The following SYT14 variants were observed in gnomAD, a reference collection of about 807,000 sequenced individuals.
SYT14 encodes the protein synaptotagmin-14.
In SYT14, 32 loss-of-function variants were observed where a neutral mutation model predicts 74.2. The ratio of observed to expected loss-of-function variants is 0.43; its 90% CI spans 0.33 to 0.58. SYT14 has a LOEUF of 0.58. Ranked by LOEUF, SYT14 falls within the 20% of genes least tolerant of loss-of-function variation. SYT14 has a pLI of 0.05. For missense variants in SYT14, 791 were observed against 981.8 expected (o/e 0.81, Z 2.60); for synonymous variants, 298 against 337.7 (o/e 0.88, Z 1.29).
intron 5 of SYT14, among the ~76,000 whole-genome samples, chr1:210,074,987 A>G (rs1249976048): frequency 6.6e-6 from 1 of 152,208 alleles, no homozygotes; most frequent in Non-Finnish European, 1.5e-5. Flanking sequence ...TACTGGAAGA[A>G]TCAGATTACA....
intron 2 of SYT14, among the ~76,000 whole-genome samples, chr1:209,996,362 A>T (rs775956932): frequency 6.6e-6 from 1 of 152,196 alleles, no homozygotes; most frequent in Non-Finnish European, 1.5e-5. Flanking sequence ...GAGGAAGTGT[A>T]TAAAATCCTG....
chr1:210,008,308 T>G (rs755967014), intron 2 of SYT14, among the ~76,000 whole-genome samples: 6 of 152,210 alleles, frequency 3.9e-5, no homozygotes, highest in Non-Finnish European at 5.9e-5. Context: ...ATTCAACAAA[T>G]TTAATTCTTC....
At chr1:210,125,181 C>T (rs1572344747) in intron 7 of SYT14, among the ~76,000 whole-genome samples, 1 of 152,044 alleles carries the variant, frequency 6.6e-6, no homozygotes, top group East Asian at 1.9e-4. Context: ...GAGCATAGTA[C>T]CCAATGAGTA....
intron 2 of SYT14, chr1:209,965,889 T>G (rs1165618864): frequency 2.2e-6 from 1 of 453,638 alleles, no homozygotes; most frequent in East Asian, 7.0e-5. Context: ...TTTTTTTTTT[T>G]TAGATAGGGT....
intron 5 of SYT14, among the ~76,000 whole-genome samples, chr1:210,071,626 G>A (rs572297824): frequency 3.6e-4 from 55 of 152,054 alleles, no homozygotes; most frequent in Admixed American, 8.5e-4. Context: ...TTTTGTAGGA[G>A]CTGAGTTTGA....
At chr1:209,973,907 C>T (rs565426067) in intron 2 of SYT14, among the ~76,000 whole-genome samples, 1 of 152,294 alleles carries the variant, frequency 6.6e-6, no homozygotes, top group Admixed American at 6.5e-5. Flanking sequence ...GCCATTCTAA[C>T]TGGTGTGAGA....
intron 5 of SYT14, among the ~76,000 whole-genome samples, chr1:210,032,896 T>A (rs1399384667): frequency 6.9e-6 from 1 of 144,098 alleles, no homozygotes; most frequent in Non-Finnish European, 1.5e-5. Flanking sequence ...GTATTCTCAA[T>A]TTGTTCATAG....
intron 2 of SYT14, among the ~76,000 whole-genome samples, chr1:209,978,898 G>A (rs1242180562): frequency 6.6e-6 from 1 of 152,178 alleles, no homozygotes; most frequent in African/African-American, 2.4e-5. Context: ...TCAAGCCTGG[G>A]CAGTGGCGGG....
chr1:210,148,718 A>G (rs537434365), intron 7 of SYT14, among the ~76,000 whole-genome samples: 264 of 152,336 alleles, frequency 1.7e-3, no homozygotes, highest in Non-Finnish European at 2.9e-3. Flanking sequence ...CCTTAAAAGA[A>G]AGAAAGAGGA....
intron 8 of SYT14, among the ~76,000 whole-genome samples, chr1:210,158,316 C>G (rs1177723724): frequency 2.0e-5 from 3 of 152,104 alleles, no homozygotes; most frequent in Non-Finnish European, 4.4e-5. Flanking sequence ...CTGTGACAAA[C>G]ATAAGAGTGC....
chr1:209,946,948 ATGTGCTCTGTG>A (rs2078832661), intron 1 of SYT14, among the ~76,000 whole-genome samples: 1 of 152,212 alleles, frequency 6.6e-6, no homozygotes, highest in Admixed American at 6.5e-5. Context: ...AGGATGCTAA[ATGTGCTCTGTG>A]TGTGCTCTAC....
intron 4 of SYT14, 76 bp from the exon 4 acceptor site, chr1:210,020,963 C>CG (rs1459724303): frequency 2.5e-6 from 3 of 1,205,264 alleles, no homozygotes; most frequent in Non-Finnish European, 3.7e-6. Flanking sequence ...TATCATTTGA[C>CG]GGGCCCAGTA....
chr1:210,065,230 T>G (rs1385487681), intron 5 of SYT14, among the ~76,000 whole-genome samples: 1 of 152,096 alleles, frequency 6.6e-6, no homozygotes, highest in Non-Finnish European at 1.5e-5. Context: ...CACCCAAATC[T>G]CATCTTGAAT....
intron 5 of SYT14, among the ~76,000 whole-genome samples, chr1:210,091,144 G>A (rs1410020857): frequency 6.6e-6 from 1 of 152,080 alleles, no homozygotes; most frequent in Non-Finnish European, 1.5e-5. Flanking sequence ...TGTAACTTGT[G>A]CCTTGGTCTC....
exon 4 of SYT14, chr1:210,015,796 T>G: frequency 9.8e-7 from 1 of 1,021,208 alleles, no homozygotes; most frequent in African/African-American, 1.7e-5. Context: ...GGTTTGATTT[T>G]TTTTTTCCGG....
chr1:209,988,761 G>A (rs1460565804), intron 2 of SYT14, among the ~76,000 whole-genome samples: 1 of 152,136 alleles, frequency 6.6e-6, no homozygotes, highest in Non-Finnish European at 1.5e-5. Context: ...CTCTGTGTAA[G>A]ATTTGGCATG....
chr1:210,020,699 ATTTAC>A (rs996917594), intron 4 of SYT14, among the ~76,000 whole-genome samples: 1 of 152,192 alleles, frequency 6.6e-6, no homozygotes, highest in African/African-American at 2.4e-5. Flanking sequence ...TGGTATTATA[ATTTAC>A]TTTATATGTA....
At chr1:210,050,202 A>G (rs779209998) in intron 5 of SYT14, among the ~76,000 whole-genome samples, 2 of 152,198 alleles carry the variant, frequency 1.3e-5, no homozygotes, top group Non-Finnish European at 2.9e-5. Context: ...CTTCCGCCAG[A>G]TACCCTAAAT....
exon 10 of SYT14, chr1:210,164,039 T>G (rs982875856): frequency 2.2e-6 from 1 of 453,470 alleles, no homozygotes; most frequent in Non-Finnish European, 4.4e-6. Context: ...TTATGGGGTT[T>G]ATTTTTCTCC....
Sources: gnomAD v4.1 joint callset for allele counts (sites outside exome capture counted in the v4.1 genomes callset) on GRCh38, gnomAD v4.1.1 for gene constraint, MANE v1.5 for transcripts, NCBI Gene and HGNC (gene_info 2026-07-23, HGNC 2026-07-21) for gene names.